The following PTPRG variants were observed in gnomAD, a reference collection of about 807,000 sequenced individuals.
PTPRG encodes receptor-type tyrosine-protein phosphatase gamma.
In PTPRG, 102 loss-of-function variants were observed where a neutral mutation model predicts 165.3. The observed-to-expected ratio is 0.62, with a 90% CI of 0.53 to 0.73. PTPRG has a LOEUF of 0.73. PTPRG is among the 30% of genes least tolerant of loss of function. PTPRG has a pLI of 0.00. For synonymous variants in PTPRG, 675 were observed against 669.5 expected (o/e 1.01, Z -0.13); for missense variants, 1,866 against 1,861.4 (o/e 1.00, Z -0.05).
rs778994257 is a variant in PTPRG at position 62,281,537 on chromosome 3, G to GTTTTTTTTTTTTTTTTTTTTTTTT, written c.3766-26_3766-25insTTTTTTTTTTTTTTTTTTTTTTTT. 22 of 174,994 alleles carry GTTTTTTTTTTTTTTTTTTTTTTTT rather than the reference G, an allele frequency of 1.3e-4. 3 individuals are homozygous for GTTTTTTTTTTTTTTTTTTTTTTTT. The highest frequency in any genetic ancestry group is 1.3e-4 in the South Asian group (2 of 15,184). The allele number at this position is 174,994 out of a possible 1,614,324, so 10.8% of individuals were successfully genotyped here. A position where few individuals can be genotyped will look rare whatever the true frequency, so the allele number is the denominator to read the frequency against. On this transcript the variant is annotated intron_variant, in intron 26 of 29. Coordinates refer to ENST00000474889, the MANE Select transcript of PTPRG (RefSeq NM_002841.4). The stretch of plus-strand genomic sequence containing the variant: ...ACAAATCCTTGACAGAACTGCAGAG[G>GTTTTTTTTTTTTTTTTTTTTTTTT]CTTTTTTTTTTTTTGGATTCCAAAG...
rs111274790 is a variant in PTPRG, at chr3:62,041,322, C to T, written c.520-36841C>T. Among the ~76,000 whole-genome samples, 947 of 152,212 alleles carry T rather than the reference C, an allele frequency of 6.2e-3. 3 individuals are homozygous for T. Among genetic ancestry groups the T allele is most frequent in the Non-Finnish European group, 9.9e-3 (675 of 68,012 alleles). On this transcript the variant is annotated intron_variant, in intron 4 of 29. Coordinates refer to ENST00000474889, the MANE Select transcript of PTPRG (RefSeq NM_002841.4). ...AATTTGATAAATCCAGGAGACAGAA[C>T]GTTGTTTCTTACCTCGTAGTACTTG...
At chr3:61,922,573 A>C (rs531372881) in intron 2 of PTPRG, among the ~76,000 whole-genome samples, 1 of 152,312 alleles carries the variant, frequency 6.6e-6, no homozygotes, top group African/African-American at 2.4e-5. Flanking sequence ...CCTGCACTTA[A>C]CTATTTCTTG....
intron 2 of PTPRG, among the ~76,000 whole-genome samples, chr3:61,900,144 T>G (rs1028243016): frequency 3.4e-5 from 5 of 147,214 alleles, no homozygotes; most frequent in South Asian, 2.2e-4. Flanking sequence ...AGAAATAGTG[T>G]TTTTTTTTTT....
chr3:61,905,266 G>A (rs192021937), intron 2 of PTPRG, among the ~76,000 whole-genome samples: 22 of 152,158 alleles, frequency 1.4e-4, no homozygotes, highest in Non-Finnish European at 2.9e-4. Context: ...TAGGGAGCTT[G>A]ACTGTGATTC....
intron 5 of PTPRG, among the ~76,000 whole-genome samples, chr3:62,125,175 A>G (rs780863684): frequency 1.3e-5 from 2 of 152,200 alleles, no homozygotes; most frequent in Non-Finnish European, 2.9e-5. Context: ...TACATATGAT[A>G]CCTACATGAT....
intron 2 of PTPRG, among the ~76,000 whole-genome samples, chr3:61,807,687 A>G (rs764398163): frequency 6.6e-6 from 1 of 152,252 alleles, no homozygotes; most frequent in Non-Finnish European, 1.5e-5. Context: ...TGATAACAGA[A>G]TCATAAATGT....
intron 2 of PTPRG, among the ~76,000 whole-genome samples, chr3:61,751,473 T>G (rs2033427118): frequency 6.6e-6 from 1 of 152,192 alleles, no homozygotes; most frequent in South Asian, 2.1e-4. Flanking sequence ...AGGCCTCAAA[T>G]TCTCTGATTT....
chr3:62,110,311 T>A (rs1702623790), intron 5 of PTPRG, among the ~76,000 whole-genome samples: 1 of 152,132 alleles, frequency 6.6e-6, no homozygotes, highest in African/African-American at 2.4e-5. Context: ...GCCACCAAAC[T>A]ACCAACTTGT....
chr3:62,009,824 A>G (rs1350011936), intron 4 of PTPRG, among the ~76,000 whole-genome samples: 1 of 152,224 alleles, frequency 6.6e-6, no homozygotes, highest in African/African-American at 2.4e-5. Context: ...GAGCTTCAGC[A>G]GCATGATATG....
At chr3:62,135,184 G>C (rs939050982) in intron 6 of PTPRG, among the ~76,000 whole-genome samples, 3 of 151,420 alleles carry the variant, frequency 2.0e-5, no homozygotes, top group Non-Finnish European at 2.9e-5. Context: ...TGAGGTGGGA[G>C]GATCACCTGA....
In PTPRG at chr3:62,296,754, A is replaced by C. The variant is rs1415254254; in HGVS notation, c.*3447A>C. On this transcript the variant is annotated 3_prime_UTR_variant, in exon 30 of 30. Coordinates refer to ENST00000474889, the MANE Select transcript of PTPRG (RefSeq NM_002841.4). ...GCTTTACTTATCTCTAGAAAGAAGA[A>C]GGCATGCTACAAATAGGAAGGAATT... is the stretch of plus-strand genomic sequence containing the variant. The C allele has an allele frequency of 1.3e-5, 2 of 151,986 alleles. No individual in the cohort carries two copies. The highest frequency in any genetic ancestry group is 6.6e-5 in the Admixed American group (1 of 15,236). The allele number at this position is 151,986 out of a possible 1,614,324, so 9.4% of individuals were successfully genotyped here. A position where few individuals can be genotyped will look rare whatever the true frequency, so the allele number is the denominator to read the frequency against.
chr3:62,121,517 G>A (rs1056818136), intron 5 of PTPRG, among the ~76,000 whole-genome samples: 2 of 152,264 alleles, frequency 1.3e-5, no homozygotes, highest in African/African-American at 2.4e-5. Context: ...CAGAAACCCT[G>A]TACTTAACCA....
At chr3:62,016,941 C>T (rs998165480) in intron 4 of PTPRG, among the ~76,000 whole-genome samples, 6 of 152,100 alleles carry the variant, frequency 3.9e-5, no homozygotes, top group Admixed American at 6.5e-5. Flanking sequence ...TTTCTATTAC[C>T]CAGTTTTATT....
At chr3:61,867,578 T>C (rs75208480) in intron 2 of PTPRG, among the ~76,000 whole-genome samples, 12,099 of 152,080 alleles carry the variant, frequency 0.08, 626 homozygotes, top group East Asian at 0.13. Flanking sequence ...AAAGGTAAAA[T>C]GAAGTACCCA....
At chr3:61,625,610 A>G (rs1301998836) in intron 1 of PTPRG, among the ~76,000 whole-genome samples, 2 of 152,074 alleles carry the variant, frequency 1.3e-5, no homozygotes, top group Non-Finnish European at 2.9e-5. Flanking sequence ...TACTCTTTAG[A>G]GTAGTGTTGA....
At chr3:61,869,703 C>G (rs1007892333) in intron 2 of PTPRG, among the ~76,000 whole-genome samples, 8 of 152,062 alleles carry the variant, frequency 5.3e-5, no homozygotes, top group African/African-American at 1.7e-4. Flanking sequence ...CTCAGCCTCC[C>G]GAGTATCTGG....
At chr3:61,970,679 ATT>A (rs2040362554) in intron 2 of PTPRG, among the ~76,000 whole-genome samples, 1 of 91,214 alleles carries the variant, frequency 1.1e-5, no homozygotes, top group African/African-American at 5.4e-5. Context: ...GATGTTCAGA[ATT>A]TATTTGAACT....
At chr3:61,734,679 C>A (rs1355043101) in intron 1 of PTPRG, among the ~76,000 whole-genome samples, 1 of 152,092 alleles carries the variant, frequency 6.6e-6, no homozygotes, top group Non-Finnish European at 1.5e-5. Context: ...CCCAAAGATA[C>A]AAAATGACTC....
intron 1 of PTPRG, among the ~76,000 whole-genome samples, chr3:61,657,349 G>A (rs1033426807): frequency 4.6e-5 from 7 of 152,152 alleles, no homozygotes; most frequent in Admixed American, 1.3e-4. Context: ...AGGGGGAGAA[G>A]GGATGAGAGA....
Sources: allele counts gnomAD v4.1 joint callset (sites outside exome capture counted in the v4.1 genomes callset), GRCh38; gene constraint gnomAD v4.1.1; transcripts MANE v1.5; gene names NCBI Gene and HGNC (gene_info 2026-07-23, HGNC 2026-07-21).